The following ZNF773 variants were observed in gnomAD, a reference collection of about 807,000 sequenced individuals.
The protein encoded by ZNF773 is zinc finger protein 773.
Under a neutral mutation model 12.8 loss-of-function variants are expected in ZNF773, and 11 were observed. The observed-to-expected ratio is 0.86, with a 90% confidence interval of 0.54 to 1.42. The LOEUF (loss-of-function observed/expected upper bound fraction) is 1.42. Among genes scored for constraint, ZNF773 ranks in the 40% most tolerant of loss-of-function variants. The pLI is 0.00. For synonymous variants in ZNF773, 175 were observed against 178.4 expected, an observed-to-expected ratio of 0.98 and a Z score of 0.15; for missense variants, 518 against 527.2, an observed-to-expected ratio of 0.98 and a Z score of 0.17.
chr19:57,511,667 C>T (rs1383425465), downstream of ZNF773, among the ~76,000 whole-genome samples: 53 of 152,062 alleles, frequency 3.5e-4, no homozygotes, highest in Non-Finnish European at 1.0e-4. Flanking sequence ...AATACTTACA[C>T]TTGCATGCTC....
At chr19:57,513,622 A>C (rs1768152508), downstream of ZNF773, 1 of 152,244 alleles carries the variant, frequency 6.6e-6, no homozygotes, top group African/African-American at 2.4e-5. Context: ...GTGGCTAACA[A>C]ACCTGTATGG....
chr19:57,505,920 T>A (rs2089726641), intron 3 of ZNF773, among the ~76,000 whole-genome samples: 3 of 152,128 alleles, frequency 2.0e-5, no homozygotes, highest in Admixed American at 6.5e-5. Flanking sequence ...CATGTTAGCC[T>A]GAATGGTCTC....
chr19:57,508,542 A>G (rs1211358072), downstream of ZNF773: 5 of 701,430 alleles, frequency 7.1e-6, no homozygotes, highest in Non-Finnish European at 1.3e-5. Flanking sequence ...ACAGGTCGGC[A>G]AATCTCCTCA....
rs565637077 is a variant in ZNF773 at position 57,502,635 on chromosome 19, A to G, written c.34-2022A>G. 2.0e-3 allele frequency among the ~76,000 whole-genome samples: 306 copies of G among 152,306 alleles called. 1 individual carries two copies. The highest frequency in any genetic ancestry group is 3.3e-3 in the Non-Finnish European group (226 of 68,018). ...CAGTAGTCTGTGTGAGTGCTGGACC[A>G]GAGTGGTGGCTGTGGACGTAGGAGA... On this transcript the variant is annotated intron_variant, in intron 1 of 3. Transcript: ENST00000282292.
In ZNF773 at chr19:57,506,740, G is replaced by T. The variant is rs1236832623; in HGVS notation, c.645G>T (p.Gly215=). The part of the protein sequence containing the change: ...LLVQHQRLHT[G]EKPYECSECG... Reference sequence around the variant, plus strand: ...TTCAGCACCAGAGACTGCACACTGGGGAAAAGCCTTATGAATGCAGTGAAT... The same window carrying T: ...TTCAGCACCAGAGACTGCACACTGGTGAAAAGCCTTATGAATGCAGTGAAT... Residue 215 remains glycine, a synonymous_variant, in exon 4 of 4, where the codon GGG becomes GGT. Transcript: ENST00000282292. 6.2e-7 allele frequency: 1 copy of T among 1,614,062 alleles called. No homozygotes were observed. Among genetic ancestry groups the T allele is most frequent in the East Asian group, 2.2e-5 (1 of 44,898 alleles).
chr19:57,500,149 T>G (rs1197839947), intron 1 of ZNF773, 36 bp downstream of exon 1: 1 of 1,587,580 alleles, frequency 6.3e-7, no homozygotes, highest in Non-Finnish European at 8.6e-7. Flanking sequence ...CCCCGAATCC[T>G]AAAGCCCTGT....
At chr19:57,512,954 G>C (rs1246799613), downstream of ZNF773, 3 of 1,455,448 alleles carry the variant, frequency 2.1e-6, no homozygotes, top group Non-Finnish European at 1.8e-6. Flanking sequence ...GAAGCAAGGA[G>C]CCCTCTGACC....
At chr19:57,504,126 G>A (rs368360564) in intron 1 of ZNF773, among the ~76,000 whole-genome samples, 3 of 152,352 alleles carry the variant, frequency 2.0e-5, no homozygotes, top group Admixed American at 6.5e-5. Flanking sequence ...AAGTGGGGCT[G>A]AGGGTTGCCC....
chr19:57,501,103 G>A (rs2089664625), intron 1 of ZNF773, among the ~76,000 whole-genome samples: 1 of 152,114 alleles, frequency 6.6e-6, no homozygotes, highest in African/African-American at 2.4e-5. Flanking sequence ...AAAAGGAAAG[G>A]TCAGCCAGGC....
chr19:57,508,295 CT>C, downstream of ZNF773: 2 of 1,217,294 alleles, frequency 1.6e-6, no homozygotes, highest in Non-Finnish European at 1.0e-6. Context: ...AGCCCTCTGT[CT>C]TGGAGCTCCA....
At chr19:57,506,223 C>A (rs1418332563) in intron 3 of ZNF773, 135 bp from the exon 4 acceptor site, 18 of 1,409,080 alleles carry the variant, frequency 1.3e-5, no homozygotes, top group Non-Finnish European at 1.7e-5. Context: ...GCAGGCCCTT[C>A]CCCACCAAGC....
chr19:57,501,506 A>G (rs568097610), intron 1 of ZNF773, among the ~76,000 whole-genome samples: 8 of 152,276 alleles, frequency 5.3e-5, no homozygotes, highest in Non-Finnish European at 1.0e-4. Context: ...TGATACAAAC[A>G]ATAGTCCTAT....
At position 57,507,202 on chromosome 19, in the gene ZNF773, C is replaced by G. The variant is rs1216728200; in HGVS notation, c.1107C>G (p.Ser369Arg). The G allele has an allele frequency of 1.2e-6, 2 of 1,614,076 alleles. No individual in the cohort carries two copies. The highest frequency in any genetic ancestry group is 2.2e-5 in the East Asian group (1 of 44,878). Reference sequence around the variant, plus strand: ...GCAGTGAATGTGGGAAATTTTTTAGCCAAAGCTCAAGCCTCATGCAACATC... The same window carrying G: ...GCAGTGAATGTGGGAAATTTTTTAGGCAAAGCTCAAGCCTCATGCAACATC... ...YECSECGKFF[S>R]QSSSLMQHRK... Residue 369 changes from serine (S) to arginine (R), a missense_variant, in exon 4 of 4, where the codon AGC (serine) becomes AGG (arginine). Coordinates refer to ENST00000282292, the MANE Select transcript of ZNF773 (RefSeq NM_198542.3).
chr19:57,505,092 C>G (rs1303192672), intron 2 of ZNF773: 3 of 712,140 alleles, frequency 4.2e-6, no homozygotes, highest in Non-Finnish European at 5.1e-6. Context: ...TTCTATTCCC[C>G]TACATTCTGC....
intron 1 of ZNF773, among the ~76,000 whole-genome samples, chr19:57,501,681 G>A (rs1489310254): frequency 6.6e-6 from 1 of 152,164 alleles, no homozygotes; most frequent in Non-Finnish European, 1.5e-5. Flanking sequence ...AGGGGGCTTG[G>A]ATGATCCTTT....
chr19:57,502,722 C>T (rs1242135970), intron 1 of ZNF773, among the ~76,000 whole-genome samples: 3 of 151,936 alleles, frequency 2.0e-5, no homozygotes, highest in Non-Finnish European at 4.4e-5. Flanking sequence ...GATGGAGTCT[C>T]GCTCTGTCGC....
intron 1 of ZNF773, among the ~76,000 whole-genome samples, chr19:57,501,070 C>T (rs2089664262): frequency 6.6e-6 from 1 of 152,058 alleles, no homozygotes; most frequent in Admixed American, 6.6e-5. Context: ...CTTAGTAGTT[C>T]CTCATGTCCA....
In ZNF773 at chr19:57,504,742, A is replaced by G. The variant is rs2089709433; in HGVS notation, c.119A>G (p.Tyr40Cys). Residue 40 changes from tyrosine (Y) to cysteine (C), a missense_variant, in exon 2 of 4, where the codon TAC becomes TGC. By Grantham distance (194) the Tyr-to-Cys change is radical. Transcript: ENST00000282292. ...RLLDDAQRLL[Y>C]RNVMLENFTL... ...CTTGATGACGCTCAGAGGCTCCTCTACCGCAATGTGATGCTGGAGAACTTT... is the reference window on the plus strand; with the variant it reads ...CTTGATGACGCTCAGAGGCTCCTCTGCCGCAATGTGATGCTGGAGAACTTT... 1.2e-6 allele frequency: 2 copies of G among 1,613,628 alleles called. No homozygotes were observed. Among genetic ancestry groups the G allele is most frequent in the Non-Finnish European group, 1.7e-6 (2 of 1,179,928 alleles).
downstream of ZNF773, chr19:57,513,297 C>T: frequency 2.8e-6 from 1 of 361,780 alleles, no homozygotes; most frequent in East Asian, 4.2e-5. Flanking sequence ...TTCTCAAACA[C>T]TAGCTAAGCT....
Sources: gnomAD v4.1 joint callset for allele counts (sites outside exome capture counted in the v4.1 genomes callset) on GRCh38, gnomAD v4.1.1 for gene constraint, MANE v1.5 for transcripts, NCBI Gene and HGNC (gene_info 2026-07-23, HGNC 2026-07-21) for gene names.